Variants in ZHX3 observed in about 807,000 individuals in gnomAD.
ZHX3 encodes zinc fingers and homeoboxes protein 3.
In ZHX3, 20 loss-of-function variants were observed where a neutral mutation model predicts 64.5. The observed-to-expected ratio is 0.31, with a 90% CI of 0.22 to 0.45. The LOEUF is 0.45. Among genes scored for constraint, ZHX3 ranks in the 20% least tolerant of loss-of-function variants. The probability of loss-of-function intolerance (pLI) is 1.00; values close to 1 mark genes in which losing one functional copy is unlikely to be tolerated. For missense variants in ZHX3, 1,041 were observed against 1,195.8 expected (o/e 0.87, Z 1.91); for synonymous variants, 423 against 461.6 (o/e 0.92, Z 1.07).
chr20:41,276,423 C>T (rs1393305763), intron 1 of ZHX3, among the ~76,000 whole-genome samples: 1 of 152,136 alleles, frequency 6.6e-6, no homozygotes, highest in Non-Finnish European at 1.5e-5. Context: ...CCCTGCCTCA[C>T]TCTCAGTATA....
At chr20:41,210,585 A>T (rs981688716) in intron 2 of ZHX3, among the ~76,000 whole-genome samples, 13 of 152,202 alleles carry the variant, frequency 8.5e-5, no homozygotes, top group Non-Finnish European at 1.3e-4. Flanking sequence ...TTCTGAGCAA[A>T]CTATCACAAG....
intron 1 of ZHX3, among the ~76,000 whole-genome samples, chr20:41,305,193 C>T (rs2044938468): frequency 6.6e-6 from 1 of 152,190 alleles, no homozygotes; most frequent in African/African-American, 2.4e-5. Flanking sequence ...CTTAGTTGTT[C>T]AGTGATACGC....
intron 1 of ZHX3, among the ~76,000 whole-genome samples, chr20:41,302,076 A>G (rs1375843808): frequency 2.9e-5 from 4 of 136,830 alleles, no homozygotes; most frequent in Non-Finnish European, 3.2e-5. Context: ...AAAAAAAAAA[A>G]AAAAAAGGAA....
intron 1 of ZHX3, among the ~76,000 whole-genome samples, chr20:41,271,059 T>C (rs2043122610): frequency 6.6e-6 from 1 of 152,180 alleles, no homozygotes; most frequent in Non-Finnish European, 1.5e-5. Flanking sequence ...TCTCACTCTG[T>C]CCCCAGGCTG....
intron 2 of ZHX3, among the ~76,000 whole-genome samples, chr20:41,251,056 T>C (rs1362800019): frequency 6.6e-6 from 1 of 152,074 alleles, no homozygotes; most frequent in African/African-American, 2.4e-5. Context: ...GGCACAACAT[T>C]TTTATGGTTA....
At chr20:41,230,853 A>T (rs539094711) in intron 2 of ZHX3, among the ~76,000 whole-genome samples, 5 of 152,170 alleles carry the variant, frequency 3.3e-5, no homozygotes, top group Non-Finnish European at 1.5e-5. Flanking sequence ...CAACTGATCA[A>T]TCTACACTGA....
chr20:41,182,664 G>A lies in ZHX3; in HGVS notation c.*2527C>T, dbSNP rs566121209. 1 of 152,390 alleles carries A rather than the reference G, an allele frequency of 6.6e-6. No individual in the cohort carries two copies. The highest frequency in any genetic ancestry group is 1.9e-4 in the East Asian group (1 of 5,188). 9.4% of individuals were successfully genotyped at this position (152,390 alleles called of 1,614,324 possible). Reference sequence around the variant, plus strand: ...ACTCACTCACTCTCATCCAACAGCAGAGGAAGAAGGATCTGTCCAGACTGC... The same window carrying A: ...ACTCACTCACTCTCATCCAACAGCAAAGGAAGAAGGATCTGTCCAGACTGC... On this transcript the variant is annotated 3_prime_UTR_variant, in exon 4 of 4. Transcript: ENST00000683867. The surrounding 1 kb of genome is among the most constrained non-coding windows in gnomAD (Gnocchi z 6.1).
intron 2 of ZHX3, among the ~76,000 whole-genome samples, chr20:41,215,853 G>C (rs1357726054): frequency 6.6e-6 from 1 of 150,742 alleles, no homozygotes; most frequent in Non-Finnish European, 1.5e-5. Context: ...TCAGGAGGCT[G>C]AGGCAGGAGA....
chr20:41,276,755 C>A (rs111416233), intron 1 of ZHX3, among the ~76,000 whole-genome samples: 2 of 152,078 alleles, frequency 1.3e-5, no homozygotes, highest in African/African-American at 4.8e-5. Flanking sequence ...CTTCACAAGC[C>A]CTGCTAGACA....
intron 2 of ZHX3, among the ~76,000 whole-genome samples, chr20:41,258,324 G>A (rs1027529315): frequency 2.6e-5 from 4 of 152,134 alleles, no homozygotes; most frequent in African/African-American, 9.7e-5. Flanking sequence ...CATAACCATT[G>A]TATATTTACC....
At chr20:41,220,564 T>A (rs1007759232) in intron 2 of ZHX3, among the ~76,000 whole-genome samples, 5 of 152,204 alleles carry the variant, frequency 3.3e-5, no homozygotes, top group African/African-American at 1.2e-4. Context: ...AATGTTCAAG[T>A]TCCACAAAAG....
In ZHX3 at chr20:41,193,692, T is replaced by TTTG. The variant is rs1170172000; in HGVS notation, c.2860+8362_2860+8364dup. The stretch of plus-strand genomic sequence containing the variant: ...TGTGTGTGTGGATTCAAGTTTTTTT[T>TTTG]TTGTTGTTGTTGTTGTTTTTGTTTT... On this transcript the variant is annotated intron_variant, in intron 3 of 3. Transcript: ENST00000683867. Among the ~76,000 whole-genome samples the TTTG allele has an allele frequency of 5.3e-4, 79 of 150,280 alleles. 1 individual carries two copies. The highest frequency in any genetic ancestry group is 4.8e-3 in the East Asian group (25 of 5,156).
At chr20:41,314,492 C>T (rs1019026831) in intron 1 of ZHX3, among the ~76,000 whole-genome samples, 13 of 152,190 alleles carry the variant, frequency 8.5e-5, no homozygotes, top group Admixed American at 2.6e-4. Flanking sequence ...CCCCACTATG[C>T]TCTTGAGGCT....
intron 2 of ZHX3, among the ~76,000 whole-genome samples, chr20:41,209,146 A>G (rs1169818255): frequency 6.6e-6 from 1 of 152,194 alleles, no homozygotes; most frequent in Non-Finnish European, 1.5e-5. Context: ...GATGTGAAGG[A>G]CCTCTTCAAG....
intron 1 of ZHX3, among the ~76,000 whole-genome samples, chr20:41,303,386 T>C (rs1349124760): frequency 6.6e-6 from 1 of 152,220 alleles, no homozygotes; most frequent in Non-Finnish European, 1.5e-5. Context: ...GTATAACTTT[T>C]ATTCAAAACA....
chr20:41,302,813 G>C (rs1470239751), intron 1 of ZHX3, among the ~76,000 whole-genome samples: 1 of 152,228 alleles, frequency 6.6e-6, no homozygotes, highest in Admixed American at 6.5e-5. Context: ...ATCCCCACAG[G>C]TGACTGGATT....
At chr20:41,282,361 C>CTTTTTTTTTTTTTTTTTTTTTTTTTTT (rs568284480) in intron 1 of ZHX3, among the ~76,000 whole-genome samples, 2 of 97,212 alleles carry the variant, frequency 2.1e-5, no homozygotes, top group African/African-American at 3.8e-5. Context: ...CACAATTCAT[C>CTTTTTTTTTTTTTTTTTTTTTTTTTTT]TTTTTTTTTT....
intron 2 of ZHX3, among the ~76,000 whole-genome samples, chr20:41,217,574 C>A (rs2039618226): frequency 6.6e-6 from 1 of 152,172 alleles, no homozygotes; most frequent in African/African-American, 2.4e-5. Context: ...CAGCCACCCA[C>A]CCTACTGCTG....
In ZHX3 at chr20:41,202,408, G is replaced by A; in HGVS notation, c.2509C>T (p.Pro837Ser). Reference sequence around the variant, plus strand: ...CCAGGGGCAATGACCAGTAGCCCTGGTGGGAAGTTGCCTCGCTTATAGTCT... The same window carrying A: ...CCAGGGGCAATGACCAGTAGCCCTGATGGGAAGTTGCCTCGCTTATAGTCT... ...YEDYKRGNFPPGLLVIAPGNR... is the reference protein window; with the variant it reads ...YEDYKRGNFPSGLLVIAPGNR... The change falls in exon 3 of 4, where the codon CCA (proline) becomes TCA (serine). Residue 837 changes from proline (P) to serine (S), a missense_variant. Physicochemically the swap from Pro to Ser is moderately conservative, Grantham distance 74 (BLOSUM62 -1). Around this residue, in one of 4 missense-constraint regions of ZHX3, gnomAD observed 649 missense variants for 739.8 expected, o/e 0.88. Coordinates refer to ENST00000683867, the MANE Select transcript of ZHX3 (RefSeq NM_001384317.1). This position sits in a 1 kb window ranked among gnomAD's most constrained non-coding sequence, Gnocchi z 7.0. 1 of 1,614,198 alleles carries A rather than the reference G, an allele frequency of 6.2e-7. No homozygotes were observed. The highest frequency in any genetic ancestry group is 8.5e-7 in the Non-Finnish European group (1 of 1,180,026).
Sources: allele counts gnomAD v4.1 joint callset (sites outside exome capture counted in the v4.1 genomes callset), GRCh38; gene constraint gnomAD v4.1.1; regional missense constraint gnomAD v4.1.1; non-coding constraint Gnocchi (gnomAD v3.1); transcripts MANE v1.5; gene names NCBI Gene and HGNC (gene_info 2026-07-23, HGNC 2026-07-21).